The following NLRC4 variants were observed in gnomAD, a reference collection of about 807,000 sequenced individuals.
The protein encoded by NLRC4 is NLR family CARD domain containing 4.
NLRC4 carries 63 observed loss-of-function variants against 79.9 expected under a neutral mutation model. The ratio of observed to expected loss-of-function variants is 0.79; its 90% confidence interval spans 0.64 to 0.97. NLRC4 has a LOEUF of 0.97. Among genes scored for constraint, NLRC4 ranks in the 50% least tolerant of loss-of-function variants. NLRC4 has a pLI of 0.00. For synonymous variants in NLRC4, 461 were observed against 456.5 expected (o/e 1.01, Z -0.12); for missense variants, 1,074 against 1,215.2 (o/e 0.88, Z 1.73).
chr2:32,235,340 C>T, intron 8 of NLRC4, 61 bp downstream of exon 8: 1 of 1,279,824 alleles, frequency 7.8e-7, no homozygotes, highest in Non-Finnish European at 1.1e-6. Flanking sequence ...TAAGCAAAGC[C>T]AACTTAAGAA....
intron 1 of NLRC4, among the ~76,000 whole-genome samples, chr2:32,261,316 C>CCCCCTTTTTTTTTTTTTTTTTTTTTTT: frequency 2.1e-5 from 2 of 96,884 alleles, no homozygotes; most frequent in Admixed American, 1.2e-4. Context: ...AGCCTCCCCC[C>CCCCCTTTTTTTTTTTTTTTTTTTTTTT]TTTTGTTTTT....
chr2:32,224,852 T>C (rs917051636), intron 8 of NLRC4, 87 bp from the exon 9 acceptor site: 2 of 777,770 alleles, frequency 2.6e-6, no homozygotes, highest in African/African-American at 3.5e-5. Context: ...TTTACATACT[T>C]TTTTTTCACT....
At chr2:32,233,339 ATATATATATATTT>A (rs1013206854) in intron 8 of NLRC4, among the ~76,000 whole-genome samples, 5 of 43,972 alleles carry the variant, frequency 1.1e-4, no homozygotes, top group Non-Finnish European at 1.7e-4. Context: ...ATATATATAT[ATATATATATATTT>A]TTTTTTTTTT....
In NLRC4 at chr2:32,251,293, A is replaced by C. The variant is rs1415226839; in HGVS notation, c.571T>G (p.Cys191Gly). 6.2e-7 allele frequency: 1 copy of C among 1,614,100 alleles called. No individual in the cohort carries two copies. The highest frequency in any genetic ancestry group is 8.5e-7 in the Non-Finnish European group (1 of 1,180,002). The change falls in exon 4 of 9, where the codon TGC becomes GGC. Residue 191 changes from cysteine to glycine, a missense_variant. By Grantham distance (159) the Cys-to-Gly change is radical. Coordinates refer to ENST00000402280, the MANE Select transcript of NLRC4 (RefSeq NM_001199138.2). ...AATTTGAACTTGGTCAGAGCCTTGC[A>C]CTTTCCGGAGCCCCAGAGCATGGCA... ...RIAMLWGSGK[C>G]KALTKFKFVF...
At chr2:32,261,606 G>T (rs372483178) in intron 1 of NLRC4, among the ~76,000 whole-genome samples, 3 of 150,296 alleles carry the variant, frequency 2.0e-5, no homozygotes, top group African/African-American at 7.3e-5. Flanking sequence ...CACCATGCCC[G>T]GCCTAAAACT....
upstream of NLRC4, among the ~76,000 whole-genome samples, chr2:32,265,379 C>T (rs1687442157): frequency 6.6e-6 from 1 of 151,992 alleles, no homozygotes; most frequent in Non-Finnish European, 1.5e-5. Flanking sequence ...CAGAATTTCA[C>T]CATGTTGGCC....
intron 8 of NLRC4, among the ~76,000 whole-genome samples, chr2:32,232,884 G>T (rs1438113356): frequency 6.6e-6 from 1 of 152,070 alleles, no homozygotes; most frequent in Non-Finnish European, 1.5e-5. Context: ...ATTTTAAGTG[G>T]CTTGTCATAA....
chr2:32,252,804 G>C, intron 2 of NLRC4, 125 bp from the exon 3 acceptor site: 2 of 706,210 alleles, frequency 2.8e-6, no homozygotes, highest in South Asian at 3.5e-5. Flanking sequence ...AGATCACGAG[G>C]TCAGGAGATC....
Position 32,227,210 on chromosome 2 carries a change from C to T in NLRC4, c.2783-2445G>A, listed in dbSNP as rs1043462100. Among the ~76,000 whole-genome samples the T allele has an allele frequency of 2.0e-5, 3 of 151,668 alleles. No homozygotes were observed. In the East Asian group the frequency reaches 5.8e-4, roughly 29 times the overall value. On this transcript the variant is annotated intron_variant, in intron 8 of 8. Coordinates refer to ENST00000402280, the MANE Select transcript of NLRC4 (RefSeq NM_001199138.2). Reference sequence around the variant, plus strand: ...AGGGGTCTGGGCCTGAAAGACTGCACAGAGGAAAACCACCCCACCTGCCTG... The same window carrying T: ...AGGGGTCTGGGCCTGAAAGACTGCATAGAGGAAAACCACCCCACCTGCCTG...
chr2:32,245,975 G>A (rs1261266570), intron 4 of NLRC4, among the ~76,000 whole-genome samples: 1 of 152,102 alleles, frequency 6.6e-6, no homozygotes, highest in Non-Finnish European at 1.5e-5. Flanking sequence ...CCTGAGGTTG[G>A]GAGTTTGAAA....
intron 1 of NLRC4, among the ~76,000 whole-genome samples, chr2:32,259,610 A>G (rs116275523): frequency 0.017 from 2,516 of 152,270 alleles, 30 homozygotes; most frequent in Middle Eastern, 0.027. Context: ...CAGTGAAAGC[A>G]GAGATCTTAA....
At chr2:32,230,429 T>C (rs1270278663) in intron 8 of NLRC4, among the ~76,000 whole-genome samples, 2 of 151,872 alleles carry the variant, frequency 1.3e-5, no homozygotes, top group Non-Finnish European at 2.9e-5. Context: ...CCTCTCAAAC[T>C]GCTGGGATTA....
rs1261518702 is a variant in NLRC4, at chr2:32,256,888, T to G, written c.-113A>C. On this transcript the variant is annotated 5_prime_UTR_variant, in exon 2 of 9. Coordinates refer to ENST00000402280, the MANE Select transcript of NLRC4 (RefSeq NM_001199138.2). Reference sequence around the variant, plus strand: ...TCCTCTTTTTTCTGTAAAACTACTCTTCATTCTGTAAAACAAACAAAACAG... The same window carrying G: ...TCCTCTTTTTTCTGTAAAACTACTCGTCATTCTGTAAAACAAACAAAACAG... 7.2e-6 allele frequency: 5 copies of G among 692,746 alleles called. No homozygotes were observed. 42.9% of individuals were successfully genotyped at this position (692,746 alleles called of 1,614,324 possible). A position where few individuals can be genotyped will look rare whatever the true frequency, so the allele number is the denominator to read the frequency against.
In NLRC4 at chr2:32,235,433, C is replaced by T. The variant is rs1313800784; in HGVS notation, c.2750G>A (p.Trp917Ter). 1.2e-6 allele frequency: 2 copies of T among 1,614,130 alleles called. No homozygotes were observed. The highest frequency in any genetic ancestry group is 1.7e-5 in the Admixed American group (1 of 60,022). ...TCTAATCTCTGTATCTGTGAGTCTC[C>T]AGTTTTTCAACCCAAGCTTGACGAG... ...PQLVKLGLKN[W>*]RLTDTEIRIL... Residue 917 changes from tryptophan to a stop codon, truncating the protein, a stop_gained, in exon 8 of 9, where the codon TGG becomes TAG. Transcript: ENST00000402280. LOFTEE classifies it high-confidence loss of function.
intron 4 of NLRC4, among the ~76,000 whole-genome samples, chr2:32,248,767 A>G (rs947448017): frequency 4.1e-5 from 6 of 146,680 alleles, no homozygotes; most frequent in Admixed American, 6.8e-5. Flanking sequence ...CCCAACCTCG[A>G]AAAAAAAAAA....
chr2:32,251,433 T>C lies in NLRC4; in HGVS notation c.431A>G (p.Gln144Arg). The part of the protein sequence containing the change: ...FTEPVLWRKD[Q>R]HHHRVEQLTL... ...CAGCTGCTCCACGCGGTGATGGTGT[T>C]GGTCCTTCCTCCACAGGACAGGTTC... is the stretch of plus-strand genomic sequence containing the variant. Residue 144 changes from glutamine to arginine, a missense_variant, in exon 4 of 9, where the codon CAA becomes CGA. Transcript: ENST00000402280. 2 of 1,614,098 alleles carry C rather than the reference T, an allele frequency of 1.2e-6. No individual in the cohort carries two copies. The highest frequency in any genetic ancestry group is 1.7e-6 in the Non-Finnish European group (2 of 1,180,014).
intron 1 of NLRC4, among the ~76,000 whole-genome samples, chr2:32,259,938 G>A (rs1406597812): frequency 6.6e-6 from 1 of 152,076 alleles, no homozygotes; most frequent in Admixed American, 6.6e-5. Flanking sequence ...TAAAATACTA[G>A]AGTGTATTGG....
intron 2 of NLRC4, among the ~76,000 whole-genome samples, chr2:32,254,495 A>G (rs1244093915): frequency 6.6e-6 from 1 of 151,612 alleles, no homozygotes; most frequent in African/African-American, 2.4e-5. Context: ...CGTAGACCAC[A>G]CCGTACCCAG....
rs771619056 is a variant in NLRC4 at position 32,251,170 on chromosome 2, A to G, written c.694T>C (p.Phe232Leu). The change falls in exon 4 of 9, where the codon TTC (phenylalanine) becomes CTC (leucine). Residue 232 changes from phenylalanine (F) to leucine (L), a missense_variant. Transcript: ENST00000402280. ...CGCAGCTTCAGCAGCATGGCCATGA[A>G]TGTCTGCTTCCTGATTGTGCCAGGT... ...DIPGTIRKQT[F>L]MAMLLKLRQR... The G allele has an allele frequency of 1.9e-6, 3 of 1,614,114 alleles. No individual in the cohort carries two copies. In the African/African-American group the frequency reaches 4.0e-5, roughly 22 times the overall value.
Sources: allele counts gnomAD v4.1 joint callset (sites outside exome capture counted in the v4.1 genomes callset), GRCh38; gene constraint gnomAD v4.1.1; transcripts MANE v1.5; gene names NCBI Gene and HGNC (gene_info 2026-07-23, HGNC 2026-07-21).